Variants in UTS2B observed in about 807,000 individuals in gnomAD.
UTS2B encodes urotensin 2B, also known as urotensin-2B.
Under a neutral mutation model 19.2 loss-of-function variants are expected in UTS2B, and 21 were observed. The ratio of observed to expected loss-of-function variants is 1.09; its 90% CI spans 0.78 to 1.58. UTS2B has a LOEUF of 1.58. UTS2B is among the 40% of genes most tolerant of loss of function. The pLI, the probability that UTS2B is intolerant of heterozygous loss-of-function variation, is 0.00. For missense variants in UTS2B, 138 were observed against 130.3 expected (o/e 1.06, Z -0.29); for synonymous variants, 57 against 50.2 (o/e 1.14, Z -0.58).
intron 4 of UTS2B, among the ~76,000 whole-genome samples, chr3:191,300,195 G>A (rs920775252): frequency 6.6e-6 from 1 of 151,960 alleles, no homozygotes; most frequent in Non-Finnish European, 1.5e-5. Flanking sequence ...GATTACAGGC[G>A]CCCACCACCA....
At position 191,267,765 on chromosome 3, in the gene UTS2B, T is replaced by G. The variant is rs1252812994; in HGVS notation, c.*651A>C. 1 of 151,286 alleles carries G rather than the reference T, an allele frequency of 6.6e-6. No homozygotes were observed. The highest frequency in any genetic ancestry group is 1.5e-5 in the Non-Finnish European group (1 of 67,636). The allele number at this position is 151,286 out of a possible 1,614,324, so 9.4% of individuals were successfully genotyped here. A position where few individuals can be genotyped will look rare whatever the true frequency, so the allele number is the denominator to read the frequency against. On this transcript the variant is annotated 3_prime_UTR_variant, in exon 9 of 9. Coordinates refer to ENST00000340524, the MANE Select transcript of UTS2B (RefSeq NM_198152.5). Reference sequence around the variant, plus strand: ...ATTTGTATGTAGAAGTACAGTACATTTGTATGTAGAAGTACAGTATACAGA... The same window carrying G: ...ATTTGTATGTAGAAGTACAGTACATGTGTATGTAGAAGTACAGTATACAGA...
At chr3:191,322,048 ATGTGTGTG>A (rs60815436) in intron 2 of UTS2B, among the ~76,000 whole-genome samples, 1 of 150,958 alleles carries the variant, frequency 6.6e-6, no homozygotes, top group African/African-American at 2.4e-5. Flanking sequence ...ATACATATAT[ATGTGTGTG>A]TGTGTGTGTG....
the UTS2B span, among the ~76,000 whole-genome samples, chr3:191,343,044 A>C: frequency 6.6e-6 from 1 of 152,110 alleles, no homozygotes; most frequent in African/African-American, 2.4e-5. Flanking sequence ...TTTTCAATCA[A>C]GTGTAGATCA....
chr3:191,332,179 GAC>G (rs749733130), upstream of UTS2B, among the ~76,000 whole-genome samples: 22 of 152,308 alleles, frequency 1.4e-4, no homozygotes, highest in East Asian at 3.3e-3. Flanking sequence ...GGTAGCAGCT[GAC>G]ATTAGGGTAA....
At chr3:191,279,866 T>C (rs963689900) in intron 5 of UTS2B, among the ~76,000 whole-genome samples, 3 of 151,790 alleles carry the variant, frequency 2.0e-5, no homozygotes, top group Admixed American at 2.0e-4. Flanking sequence ...AATGAGTCTT[T>C]TGTTTCTTGT....
the UTS2B span, among the ~76,000 whole-genome samples, chr3:191,341,456 G>A: frequency 6.6e-6 from 1 of 152,136 alleles, no homozygotes; most frequent in Non-Finnish European, 1.5e-5. Context: ...GTCCTGATCT[G>A]TACTCAAGAT....
intron 3 of UTS2B, among the ~76,000 whole-genome samples, chr3:191,310,128 A>ATT (rs374392553): frequency 6.7e-6 from 1 of 149,930 alleles, no homozygotes; most frequent in African/African-American, 2.5e-5. Flanking sequence ...ATGCCTGGCT[A>ATT]TTTTTTTTTG....
intron 4 of UTS2B, among the ~76,000 whole-genome samples, chr3:191,293,660 C>T (rs1461230200): frequency 6.6e-6 from 1 of 151,920 alleles, no homozygotes; most frequent in African/African-American, 2.4e-5. Context: ...ATGAGATATA[C>T]AGACATTTCA....
chr3:191,268,447 G>A lies in UTS2B; in HGVS notation c.335-6C>T. On this transcript the variant is annotated splice_region_variant and splice_polypyrimidine_tract_variant and intron_variant, in intron 8 of 8. Transcript: ENST00000340524. ...ACAGTATTTCCAAAAGCAAGCTAAA[G>A]AAGAAAACAAAATACATTTTTTATT... 1.3e-6 allele frequency: 2 copies of A among 1,552,908 alleles called. No homozygotes were observed. Among genetic ancestry groups the A allele is most frequent in the South Asian group, 1.2e-5 (1 of 85,888 alleles).
chr3:191,270,462 T>C (rs1716057321), intron 8 of UTS2B, among the ~76,000 whole-genome samples: 1 of 152,198 alleles, frequency 6.6e-6, no homozygotes, highest in African/African-American at 2.4e-5. Context: ...CCTCCCAAAG[T>C]AGTGGGATTG....
At chr3:191,320,466 T>C (rs1401286879) in intron 2 of UTS2B, among the ~76,000 whole-genome samples, 9 of 152,194 alleles carry the variant, frequency 5.9e-5, no homozygotes, top group Non-Finnish European at 1.2e-4. Flanking sequence ...TCTGAGAAGA[T>C]GAGATACCGT....
Position 191,278,064 on chromosome 3 carries a change from TA to T in UTS2B, c.202+7del. The T allele has an allele frequency of 6.9e-7, 1 of 1,451,388 alleles. No homozygotes were observed. The allele number at this position is 1,451,388 out of a possible 1,614,324, so 89.9% of individuals were successfully genotyped here. A position where few individuals can be genotyped will look rare whatever the true frequency, so the allele number is the denominator to read the frequency against. On this transcript the variant is annotated splice_region_variant and intron_variant, in intron 6 of 8. Coordinates refer to ENST00000340524, the MANE Select transcript of UTS2B (RefSeq NM_198152.5). ...AATAAATAGAGCTTGACTTTATGTT[TA>T]ACTCACCAGTGTTGAAAGGTCTTTG... is the stretch of plus-strand genomic sequence containing the variant.
At chr3:191,321,244 G>C (rs187252591) in intron 2 of UTS2B, among the ~76,000 whole-genome samples, 1 of 152,308 alleles carries the variant, frequency 6.6e-6, no homozygotes, top group East Asian at 1.9e-4. Flanking sequence ...TACAGTGGCA[G>C]TCAGTTGCCT....
intron 4 of UTS2B, among the ~76,000 whole-genome samples, chr3:191,284,436 C>A (rs1368092494): frequency 6.6e-6 from 1 of 151,892 alleles, no homozygotes; most frequent in Non-Finnish European, 1.5e-5. Context: ...ATTCCCCTGC[C>A]TCAGCCTCTT....
rs139503601 is a variant in UTS2B at position 191,281,056 on chromosome 3, A to T, written c.103+1031T>A. ...CAATTTTATTTCCTCTGCCAACAGAACTACTCTACTTTTTATTGATTGAGG... is the reference window on the plus strand; with the variant it reads ...CAATTTTATTTCCTCTGCCAACAGATCTACTCTACTTTTTATTGATTGAGG... On this transcript the variant is annotated intron_variant, in intron 5 of 8. Transcript: ENST00000340524. 8.8e-3 allele frequency among the ~76,000 whole-genome samples: 1,347 copies of T among 152,314 alleles called. 14 individuals are homozygous for T. Among genetic ancestry groups the T allele is most frequent in the African/African-American group, 0.03 (1,229 of 41,578 alleles).
At chr3:191,336,411 C>T in the UTS2B span, among the ~76,000 whole-genome samples, 1 of 151,860 alleles carries the variant, frequency 6.6e-6, no homozygotes, top group South Asian at 2.1e-4. Context: ...TTTGTATTTC[C>T]CTAATGACTC....
intron 5 of UTS2B, among the ~76,000 whole-genome samples, chr3:191,280,363 AT>A: frequency 6.6e-6 from 1 of 152,210 alleles, no homozygotes; most frequent in South Asian, 2.1e-4. Context: ...GGATTGTGCC[AT>A]TTGTCTTGGA....
chr3:191,287,336 T>C (rs578116031), intron 4 of UTS2B, among the ~76,000 whole-genome samples: 10 of 152,056 alleles, frequency 6.6e-5, no homozygotes, highest in Non-Finnish European at 1.0e-4. Context: ...CTAACAAACA[T>C]TGACACAAAA....
rs1716112336 is a variant in UTS2B, at chr3:191,272,233, T to C, written c.334+3019A>G. Among the ~76,000 whole-genome samples, 5 of 152,234 alleles carry C rather than the reference T, an allele frequency of 3.3e-5. No individual in the cohort carries two copies. In the South Asian group the frequency reaches 1.0e-3, roughly 31 times the overall value. On this transcript the variant is annotated intron_variant, in intron 8 of 8. Coordinates refer to ENST00000340524, the MANE Select transcript of UTS2B (RefSeq NM_198152.5). ...TATCCCAATATACAGTTTGATAACG[T>C]GAAGTGAGGGTGCTGCTGTAAAACA...
Sources: gnomAD v4.1 joint callset for allele counts (sites outside exome capture counted in the v4.1 genomes callset) on GRCh38, gnomAD v4.1.1 for gene constraint, MANE v1.5 for transcripts, NCBI Gene and HGNC (gene_info 2026-07-23, HGNC 2026-07-21) for gene names.